Variants in ZDHHC11 observed in about 807,000 individuals in gnomAD.
ZDHHC11 encodes the protein zDHHC palmitoyltransferase 11.
Under a neutral mutation model 51.3 loss-of-function variants are expected in ZDHHC11, and 44 were observed. That is an observed-to-expected ratio of 0.86 (90% CI 0.67 to 1.10). The LOEUF is 1.10. Among genes scored for constraint, ZDHHC11 ranks in the 50% least tolerant of loss-of-function variants. ZDHHC11 has a pLI of 0.00. For missense variants in ZDHHC11, 400 were observed against 537.7 expected, an observed-to-expected ratio of 0.74 and a Z score of 2.53; for synonymous variants, 163 against 222.0, an observed-to-expected ratio of 0.73 and a Z score of 2.36.
intron 1 of ZDHHC11, among the ~76,000 whole-genome samples, chr5:849,275 C>T (rs1477703291): frequency 6.6e-6 from 1 of 152,162 alleles, no homozygotes; most frequent in South Asian, 2.1e-4. Context: ...GAATGTACCG[C>T]ACCCCCAGAG....
chr5:819,719 ATG>A, intron 9 of ZDHHC11, 107 bp from the exon 10 acceptor site: 1 of 1,188,014 alleles, frequency 8.4e-7, no homozygotes, highest in Non-Finnish European at 1.2e-6. Flanking sequence ...AGTGGGGCCC[ATG>A]TGTCTCAGAA....
At chr5:808,833 G>T (rs1739670098) in intron 11 of ZDHHC11, among the ~76,000 whole-genome samples, 1 of 147,010 alleles carries the variant, frequency 6.8e-6, no homozygotes, top group African/African-American at 2.5e-5. Flanking sequence ...GAGTAGCTGG[G>T]AGTACAGGTG....
Position 834,190 on chromosome 5 carries a change from T to C in ZDHHC11, c.901-383A>G, listed in dbSNP as rs113988493. On this transcript the variant is annotated intron_variant, in intron 6 of 12. Coordinates refer to ENST00000283441, the MANE Select transcript of ZDHHC11 (RefSeq NM_024786.3). ...TTGATGACAAGCATTCTCCTGGGTGTGTGGTAGTATCTGATTGTGGTTTTT... is the reference window on the plus strand; with the variant it reads ...TTGATGACAAGCATTCTCCTGGGTGCGTGGTAGTATCTGATTGTGGTTTTT... Among the ~76,000 whole-genome samples the C allele has an allele frequency of 7.9e-4, 120 of 152,368 alleles. No individual in the cohort carries two copies. The Middle Eastern group carries it at 0.01, about 13-fold the overall frequency.
chr5:819,537 G>GC lies in ZDHHC11; in HGVS notation c.1133dup (p.Ser379LeufsTer8). ...GATTGCAACTTACCTGTGCCATCGA[G>GC]CCCCCGTCTGGGTGTACACGAGTGG... On this transcript the variant is annotated frameshift_variant, in exon 10 of 13. Transcript: ENST00000283441. LOFTEE classifies it high-confidence loss of function. 1.2e-6 allele frequency: 2 copies of GC among 1,609,672 alleles called. No homozygotes were observed. Among genetic ancestry groups the GC allele is most frequent in the Non-Finnish European group, 1.7e-6 (2 of 1,176,510 alleles).
chr5:816,161 A>G (rs1740756565), intron 10 of ZDHHC11, among the ~76,000 whole-genome samples: 1 of 150,288 alleles, frequency 6.7e-6, no homozygotes, highest in Non-Finnish European at 1.5e-5. Context: ...AAAATATTTT[A>G]TTTCAGTCTG....
intron 6 of ZDHHC11, among the ~76,000 whole-genome samples, chr5:835,429 A>G (rs952785264): frequency 6.6e-6 from 1 of 151,674 alleles, no homozygotes; most frequent in Admixed American, 6.6e-5. Flanking sequence ...TCGGTGCCAC[A>G]CTGTTTTTAT....
intron 9 of ZDHHC11, chr5:821,486 A>G: frequency 9.8e-6 from 2 of 203,484 alleles, no homozygotes; most frequent in Non-Finnish European, 2.1e-5. Context: ...ACTACACAAC[A>G]CAACTGTTTT....
At chr5:803,989 C>G (rs1738871769) in intron 11 of ZDHHC11, among the ~76,000 whole-genome samples, 1 of 150,052 alleles carries the variant, frequency 6.7e-6, no homozygotes, top group Non-Finnish European at 1.5e-5. Context: ...ATGAACAGAG[C>G]TTGAAAGGTT....
chr5:831,042 T>C lies in ZDHHC11; in HGVS notation c.935+2731A>G, dbSNP rs1316450488. 1.3e-5 allele frequency among the ~76,000 whole-genome samples: 2 copies of C among 149,666 alleles called. 1 individual carries two copies. Among genetic ancestry groups the C allele is most frequent in the Non-Finnish European group, 3.0e-5 (2 of 67,216 alleles). On this transcript the variant is annotated intron_variant, in intron 7 of 12. Coordinates refer to ENST00000283441, the MANE Select transcript of ZDHHC11 (RefSeq NM_024786.3). Reference sequence around the variant, plus strand: ...CAAGATATCATCAGAAAAACTTTTGTAGGCATTGACTTCGGCAAAGAGCTC... The same window carrying C: ...CAAGATATCATCAGAAAAACTTTTGCAGGCATTGACTTCGGCAAAGAGCTC...
chr5:846,536 G>C (rs1296344676), intron 3 of ZDHHC11, among the ~76,000 whole-genome samples: 1 of 147,462 alleles, frequency 6.8e-6, no homozygotes, highest in Non-Finnish European at 1.5e-5. Context: ...GTGCTCAGGG[G>C]AAACACGTCT....
chr5:810,871 G>C (rs1395368696), intron 11 of ZDHHC11, among the ~76,000 whole-genome samples: 1 of 152,202 alleles, frequency 6.6e-6, no homozygotes, highest in East Asian at 1.9e-4. Context: ...ATGATTTAAA[G>C]ATGGAGCGGT....
chr5:852,361 G>A (rs574718541), upstream of ZDHHC11, among the ~76,000 whole-genome samples: 8 of 152,272 alleles, frequency 5.3e-5, no homozygotes, highest in South Asian at 1.4e-3. Context: ...GTCTGTGAGA[G>A]AAAAAAGAAA....
intron 1 of ZDHHC11, among the ~76,000 whole-genome samples, chr5:857,137 C>G (rs1347029517): frequency 6.6e-6 from 1 of 152,210 alleles, no homozygotes; most frequent in Non-Finnish European, 1.5e-5. Context: ...ACACTGAAGA[C>G]TTGTAATGTT....
Position 850,630 on chromosome 5 carries a change from C to A in ZDHHC11, c.-28G>T, listed in dbSNP as rs374472178. The A allele has an allele frequency of 1.2e-6, 2 of 1,607,638 alleles. No homozygotes were observed. The highest frequency in any genetic ancestry group is 4.5e-5 in the East Asian group (2 of 44,720). On this transcript the variant is annotated 5_prime_UTR_variant, in exon 1 of 13. Coordinates refer to ENST00000283441, the MANE Select transcript of ZDHHC11 (RefSeq NM_024786.3). ...GCAGGACACAGAAGGGGAGGACCTG[C>A]GCCGTCAGATCCTGGGAGGGCCGGC...
chr5:807,606 C>T (rs1262872974), intron 11 of ZDHHC11, among the ~76,000 whole-genome samples: 3 of 151,950 alleles, frequency 2.0e-5, no homozygotes, highest in Admixed American at 6.6e-5. Flanking sequence ...AAAGAGGCAA[C>T]CACCATTCAC....
intron 3 of ZDHHC11, among the ~76,000 whole-genome samples, chr5:847,262 G>A (rs568417389): frequency 3.2e-3 from 480 of 151,714 alleles, no homozygotes; most frequent in Admixed American, 0.017. Flanking sequence ...GCGTGGCCCC[G>A]CAAGTGCCCC....
intron 11 of ZDHHC11, among the ~76,000 whole-genome samples, chr5:812,130 GA>G (rs1740168954): frequency 6.8e-6 from 1 of 147,992 alleles, no homozygotes; most frequent in Non-Finnish European, 1.5e-5. Context: ...AAAATATAAG[GA>G]AAGTCAAAAC....
chr5:838,024 A>G (rs1319793885), intron 5 of ZDHHC11, among the ~76,000 whole-genome samples: 1 of 151,902 alleles, frequency 6.6e-6, no homozygotes, highest in African/African-American at 2.4e-5. Flanking sequence ...GGTGCTGGCT[A>G]GCGGGTCCTG....
chr5:829,968 A>G lies in ZDHHC11; in HGVS notation c.935+3805T>C, dbSNP rs1742867155. ...TATAAATAGAACACTCATCAAAATC[A>G]GCACAGAAGGGACATACCTCAAGGT... is the stretch of plus-strand genomic sequence containing the variant. On this transcript the variant is annotated intron_variant, in intron 7 of 12. Transcript: ENST00000283441. Among the ~76,000 whole-genome samples, 5 of 151,014 alleles carry G rather than the reference A, an allele frequency of 3.3e-5. No individual in the cohort carries two copies. In the South Asian group the frequency reaches 1.0e-3, roughly 31 times the overall value.
Sources: allele counts gnomAD v4.1 joint callset (sites outside exome capture counted in the v4.1 genomes callset), GRCh38; gene constraint gnomAD v4.1.1; transcripts MANE v1.5; gene names NCBI Gene and HGNC (gene_info 2026-07-23, HGNC 2026-07-21).